Variants in CCDC80 observed in about 807,000 individuals in gnomAD.
CCDC80 encodes the protein coiled-coil domain-containing protein 80.
In CCDC80, 49 loss-of-function variants were observed where a neutral mutation model predicts 78.7. The ratio of observed to expected loss-of-function variants is 0.62; its 90% confidence interval spans 0.50 to 0.79. CCDC80 has a LOEUF of 0.79. CCDC80 is among the 30% of genes least tolerant of loss of function. The pLI is 0.00. For missense variants in CCDC80, 1,205 were observed against 1,198.6 expected, an observed-to-expected ratio of 1.01 and a Z score of -0.08; for synonymous variants, 488 against 447.0, an observed-to-expected ratio of 1.09 and a Z score of -1.16.
intron 2 of CCDC80, among the ~76,000 whole-genome samples, chr3:112,631,216 C>G (rs1936091105): frequency 6.6e-6 from 1 of 152,156 alleles, no homozygotes; most frequent in African/African-American, 2.4e-5. Flanking sequence ...ATTTAGCTGC[C>G]CTTCCCTGAG....
rs202239232 is a variant in CCDC80, at chr3:112,638,987, C to G, written c.919G>C (p.Gly307Arg). The G allele has an allele frequency of 5.8e-5, 94 of 1,611,794 alleles. No individual in the cohort carries two copies. Among genetic ancestry groups the G allele is most frequent in the Non-Finnish European group, 7.7e-5 (91 of 1,179,986 alleles). ...GGGGAGRPSL[G>R]SEKKKEDPRR... ...GGGTCCTCTTTCTTCTTCTCGCTGC[C>G]CAGGCTTGGCCTTCCTGCTCCCCCT... The change falls in exon 2 of 8, where the codon GGC (glycine) becomes CGC (arginine). Residue 307 changes from glycine to arginine, a missense_variant. By Grantham distance (125) the Gly-to-Arg change is moderately radical. Coordinates refer to ENST00000206423, the MANE Select transcript of CCDC80 (RefSeq NM_199511.3).
intron 5 of CCDC80, among the ~76,000 whole-genome samples, chr3:112,612,566 C>T (rs985822087): frequency 1.3e-5 from 2 of 152,150 alleles, no homozygotes; most frequent in African/African-American, 4.8e-5. Context: ...TGACCCAGAC[C>T]CTTATTTTAG....
chr3:112,619,746 C>T (rs1369218570), intron 3 of CCDC80, among the ~76,000 whole-genome samples: 1 of 152,180 alleles, frequency 6.6e-6, no homozygotes, highest in Non-Finnish European at 1.5e-5. Context: ...TTTCAATCAT[C>T]AGCCTCCCCA....
At chr3:112,615,067 C>T (rs1420806947) in intron 5 of CCDC80, among the ~76,000 whole-genome samples, 1 of 152,146 alleles carries the variant, frequency 6.6e-6, no homozygotes, top group Non-Finnish European at 1.5e-5. Flanking sequence ...TGCTTGCTAT[C>T]GTTTTTAATT....
chr3:112,635,594 A>G (rs1936191838), intron 2 of CCDC80, among the ~76,000 whole-genome samples: 1 of 152,176 alleles, frequency 6.6e-6, no homozygotes, highest in Admixed American at 6.5e-5. Flanking sequence ...GTCTTTTCTA[A>G]TACATTCTTA....
Position 112,638,860 on chromosome 3 carries a change from C to T in CCDC80, c.1046G>A (p.Arg349Lys), listed in dbSNP as rs144491948. The T allele has an allele frequency of 4.3e-6, 7 of 1,613,468 alleles. No individual in the cohort carries two copies. The highest frequency in any genetic ancestry group is 2.7e-5 in the African/African-American group (2 of 74,830). Residue 349 changes from arginine (R) to lysine (K), a missense_variant, in exon 2 of 8, where the codon AGA becomes AAA. Arg to Lys is a conservative substitution (Grantham distance 26). Transcript: ENST00000206423. ...PALPQPPSTP[R>K]ATTLPPAPAT... ...TGGGGCAGGAGGAAGGGTGGTGGCTCTGGGGGTTGAGGGAGGTTGGGGCAA... is the reference window on the plus strand; with the variant it reads ...TGGGGCAGGAGGAAGGGTGGTGGCTTTGGGGGTTGAGGGAGGTTGGGGCAA...
intron 2 of CCDC80, among the ~76,000 whole-genome samples, chr3:112,630,685 T>C (rs114245956): frequency 8.4e-4 from 128 of 152,322 alleles, no homozygotes; most frequent in Non-Finnish European, 1.5e-3. Flanking sequence ...GTTAATACAG[T>C]GGTTACTACT....
At chr3:112,637,534 A>C (rs1445088477) in intron 2 of CCDC80, among the ~76,000 whole-genome samples, 1 of 152,084 alleles carries the variant, frequency 6.6e-6, no homozygotes, top group Non-Finnish European at 1.5e-5. Flanking sequence ...GAAAGAGGGG[A>C]CCTCTGCTAT....
chr3:112,633,698 C>T (rs72943919), intron 2 of CCDC80, among the ~76,000 whole-genome samples: 11,599 of 152,238 alleles, frequency 0.076, 1,451 homozygotes, highest in African/African-American at 0.26. Context: ...TAATCTGCTC[C>T]TCAAGTTTGC....
chr3:112,621,021 A>T (rs1044605183), intron 3 of CCDC80, among the ~76,000 whole-genome samples: 1 of 152,198 alleles, frequency 6.6e-6, no homozygotes, highest in African/African-American at 2.4e-5. Context: ...TCACAAAATC[A>T]CTGAATGGCT....
intron 3 of CCDC80, among the ~76,000 whole-genome samples, chr3:112,619,941 C>A (rs12629592): frequency 0.078 from 11,901 of 152,146 alleles, 1,181 homozygotes; most frequent in African/African-American, 0.23. Flanking sequence ...TATCTCTCAA[C>A]CCTACCTAAG....
At position 112,597,730 on chromosome 3, in the gene CCDC80, G is replaced by T. The variant is rs1395635384; in HGVS notation, c.*7687C>A. ...TGCTAAATCATGTGGTGCGTGAAAG[G>T]AAGAGCAATGTTATAATTGCATCCT... On this transcript the variant is annotated 3_prime_UTR_variant, in exon 8 of 8. Coordinates refer to ENST00000206423, the MANE Select transcript of CCDC80 (RefSeq NM_199511.3). The T allele has an allele frequency of 1.3e-5, 2 of 152,096 alleles. No individual in the cohort carries two copies. The highest frequency in any genetic ancestry group is 2.9e-5 in the Non-Finnish European group (2 of 68,012). 9.4% of individuals were successfully genotyped at this position (152,096 alleles called of 1,614,324 possible). A position where few individuals can be genotyped will look rare whatever the true frequency, so the allele number is the denominator to read the frequency against.
At position 112,640,036 on chromosome 3, in the gene CCDC80, A is replaced by G. The variant is rs1576799228; in HGVS notation, c.-11-120T>C. The stretch of plus-strand genomic sequence containing the variant: ...GTATCTCAGCCAAGGGGAGGGGAAA[A>G]GGTTGGTTAGAGAGAAGGAGGGAGG... On this transcript the variant is annotated intron_variant, in intron 1 of 7. Coordinates refer to ENST00000206423, the MANE Select transcript of CCDC80 (RefSeq NM_199511.3). The G allele has an allele frequency of 1.1e-5, 16 of 1,439,780 alleles. No homozygotes were observed. The East Asian group carries it at 4.0e-4, about 36-fold the overall frequency. 89.2% of individuals were successfully genotyped at this position (1,439,780 alleles called of 1,614,324 possible). A position where few individuals can be genotyped will look rare whatever the true frequency, so the allele number is the denominator to read the frequency against.
At chr3:112,629,460 T>C (rs1936051271) in intron 3 of CCDC80, among the ~76,000 whole-genome samples, 2 of 152,152 alleles carry the variant, frequency 1.3e-5, no homozygotes, top group South Asian at 4.1e-4. Flanking sequence ...CTTGCAACGT[T>C]CCCAGGAGAA....
rs1935326395 is a variant in CCDC80 at position 112,598,699 on chromosome 3, C to T, written c.*6718G>A. 1 of 152,186 alleles carries T rather than the reference C, an allele frequency of 6.6e-6. No individual in the cohort carries two copies. The highest frequency in any genetic ancestry group is 1.5e-5 in the Non-Finnish European group (1 of 68,054). The allele number at this position is 152,186 out of a possible 1,614,324, so 9.4% of individuals were successfully genotyped here. On this transcript the variant is annotated 3_prime_UTR_variant, in exon 8 of 8. Coordinates refer to ENST00000206423, the MANE Select transcript of CCDC80 (RefSeq NM_199511.3). ...GCTTTAGGATATTAGAGAGATTACG[C>T]ATTTGTGGTCTCAAGTTAGGAAACT...
At position 112,605,269 on chromosome 3, in the gene CCDC80, TG is replaced by T; in HGVS notation, c.*147del. On this transcript the variant is annotated 3_prime_UTR_variant, in exon 8 of 8. Transcript: ENST00000206423. ...GTTTCAATAATAACTCATGAATAGGTGAAAGTTTGCTATTTATTTAGTCTTA... is the reference window on the plus strand; with the variant it reads ...GTTTCAATAATAACTCATGAATAGGTAAAGTTTGCTATTTATTTAGTCTTA... 1 of 575,456 alleles carries T rather than the reference TG, an allele frequency of 1.7e-6. No homozygotes were observed. The highest frequency in any genetic ancestry group is 3.0e-6 in the Non-Finnish European group (1 of 331,272). The allele number at this position is 575,456 out of a possible 1,614,324, so 35.6% of individuals were successfully genotyped here.
At chr3:112,632,188 G>A (rs1457989196) in intron 2 of CCDC80, among the ~76,000 whole-genome samples, 1 of 152,138 alleles carries the variant, frequency 6.6e-6, no homozygotes, top group African/African-American at 2.4e-5. Context: ...TGGGAGCGCA[G>A]ATACCAAAGT....
Position 112,639,779 on chromosome 3 carries a change from G to A in CCDC80, c.127C>T (p.Pro43Ser), listed in dbSNP as rs1484389164. The A allele has an allele frequency of 1.9e-6, 3 of 1,614,130 alleles. No homozygotes were observed. The highest frequency in any genetic ancestry group is 2.5e-6 in the Non-Finnish European group (3 of 1,180,032). The change falls in exon 2 of 8, where the codon CCG becomes TCG. Residue 43 changes from proline to serine, a missense_variant. Coordinates refer to ENST00000206423, the MANE Select transcript of CCDC80 (RefSeq NM_199511.3). ...HGGRKVPLVS[P>S]DSSRPARFLR... The stretch of plus-strand genomic sequence containing the variant: ...AACCGAGCTGGCCTACTGCTGTCCG[G>A]AGAAACCAAAGGCACTTTCCGTCCT...
In CCDC80 at chr3:112,641,124, C is replaced by T. The variant is rs886171913; in HGVS notation, c.-809G>A. Reference sequence around the variant, plus strand: ...CATTTTAGCACGTTCAGAGTGGACTCAGTGAGGAGTGAGAAGGCTGTTCTT... The same window carrying T: ...CATTTTAGCACGTTCAGAGTGGACTTAGTGAGGAGTGAGAAGGCTGTTCTT... On this transcript the variant is annotated 5_prime_UTR_variant, in exon 1 of 8. Transcript: ENST00000206423. The T allele has an allele frequency of 5.3e-5, 8 of 152,250 alleles. No individual in the cohort carries two copies. Among genetic ancestry groups the T allele is most frequent in the African/African-American group, 1.9e-4 (8 of 41,444 alleles). The allele number at this position is 152,250 out of a possible 1,614,324, so 9.4% of individuals were successfully genotyped here.
Sources: allele counts gnomAD v4.1 joint callset (sites outside exome capture counted in the v4.1 genomes callset), GRCh38; gene constraint gnomAD v4.1.1; transcripts MANE v1.5; gene names NCBI Gene and HGNC (gene_info 2026-07-23, HGNC 2026-07-21).